TNKS: variants seen among roughly 807,000 people sequenced by gnomAD.
TNKS encodes poly [ADP-ribose] polymerase tankyrase-1.
TNKS carries 72 observed loss-of-function variants against 135.8 expected under a neutral mutation model. The ratio of observed to expected loss-of-function variants is 0.53; its 90% CI spans 0.44 to 0.64. The LOEUF (loss-of-function observed/expected upper bound fraction) is 0.64, where lower values mean the gene tolerates loss of function less well. TNKS is among the 30% of genes least tolerant of loss of function. TNKS has a pLI of 0.00. For synonymous variants in TNKS, 849 were observed against 649.3 expected, an observed-to-expected ratio of 1.31 and a Z score of -4.68; for missense variants, 1,769 against 1,674.0, an observed-to-expected ratio of 1.06 and a Z score of -0.99.
At chr8:9,684,081 G>C (rs1213050085) in intron 5 of TNKS, among the ~76,000 whole-genome samples, 1 of 151,830 alleles carries the variant, frequency 6.6e-6, no homozygotes, top group Non-Finnish European at 1.5e-5. Flanking sequence ...TAGGGACATA[G>C]ATGTTATTTA....
chr8:9,619,963 T>A (rs1236828299), intron 3 of TNKS, among the ~76,000 whole-genome samples: 2 of 151,636 alleles, frequency 1.3e-5, no homozygotes, highest in Admixed American at 1.3e-4. Context: ...TTTATTTTTT[T>A]TTTTTGCGAC....
chr8:9,751,419 C>G (rs1036454149), intron 18 of TNKS, among the ~76,000 whole-genome samples, 190 bp from the exon 19 acceptor site: 3 of 152,048 alleles, frequency 2.0e-5, no homozygotes, highest in Non-Finnish European at 2.9e-5. Context: ...CATAGTTTCT[C>G]CAATTCTGTC....
In TNKS at chr8:9,781,523, A is replaced by G. The variant is rs949141703; in HGVS notation, c.*4787A>G. Reference sequence around the variant, plus strand: ...AGAAGATGACCTTGAGTATGTAAACATTGTCTCCGTGACACAAAACACTGA... The same window carrying G: ...AGAAGATGACCTTGAGTATGTAAACGTTGTCTCCGTGACACAAAACACTGA... On this transcript the variant is annotated 3_prime_UTR_variant, in exon 27 of 27. Coordinates refer to ENST00000310430, the MANE Select transcript of TNKS (RefSeq NM_003747.3). 6.6e-6 allele frequency: 1 copy of G among 152,270 alleles called. No individual in the cohort carries two copies. Among genetic ancestry groups the G allele is most frequent in the African/African-American group, 2.4e-5 (1 of 41,454 alleles). The allele number at this position is 152,270 out of a possible 1,614,324, so 9.4% of individuals were successfully genotyped here.
intron 1 of TNKS, among the ~76,000 whole-genome samples, chr8:9,570,588 C>T (rs968298652): frequency 1.1e-4 from 16 of 152,208 alleles, no homozygotes; most frequent in African/African-American, 3.9e-4. Context: ...GCAACCTCTA[C>T]CTGGCAACCT....
intron 2 of TNKS, among the ~76,000 whole-genome samples, chr8:9,580,694 A>G (rs1480540571): frequency 6.6e-6 from 1 of 152,184 alleles, no homozygotes; most frequent in Non-Finnish European, 1.5e-5. Flanking sequence ...CCTACCATCA[A>G]TGAGAGCCAT....
At chr8:9,729,066 C>T (rs991439706) in intron 13 of TNKS, among the ~76,000 whole-genome samples, 3 of 152,152 alleles carry the variant, frequency 2.0e-5, no homozygotes, top group Admixed American at 6.5e-5. Context: ...CGTCTCTCTG[C>T]CTTCAAGGTG....
intron 22 of TNKS, among the ~76,000 whole-genome samples, chr8:9,763,522 A>G (rs1807260323): frequency 6.6e-6 from 1 of 152,196 alleles, no homozygotes; most frequent in Non-Finnish European, 1.5e-5. Flanking sequence ...GCCTATTACA[A>G]CTATTTTCTT....
At chr8:9,658,701 A>G in intron 3 of TNKS, among the ~76,000 whole-genome samples, 1 of 152,256 alleles carries the variant, frequency 6.6e-6, no homozygotes, top group East Asian at 1.9e-4. Flanking sequence ...ACTAGCTAAC[A>G]TCATAATGAC....
At chr8:9,651,166 A>T (rs1024927325) in intron 3 of TNKS, among the ~76,000 whole-genome samples, 2 of 151,980 alleles carry the variant, frequency 1.3e-5, no homozygotes, top group African/African-American at 2.4e-5. Context: ...TTCTGTTCCA[A>T]CTAATTGTCT....
intron 17 of TNKS, among the ~76,000 whole-genome samples, chr8:9,746,308 A>G (rs1563205864): frequency 1.3e-5 from 2 of 152,190 alleles, no homozygotes; most frequent in African/African-American, 2.4e-5. Context: ...TAAAAAGCCT[A>G]TTTGTTGAAT....
chr8:9,698,682 G>A (rs1314152361), intron 5 of TNKS, among the ~76,000 whole-genome samples: 2 of 152,240 alleles, frequency 1.3e-5, no homozygotes, highest in Admixed American at 1.3e-4. Context: ...CTGGACTTAC[G>A]TTGAAGCCAC....
chr8:9,559,506 G>A (rs1001419665), intron 1 of TNKS, among the ~76,000 whole-genome samples: 1 of 152,150 alleles, frequency 6.6e-6, no homozygotes, highest in South Asian at 2.1e-4. Flanking sequence ...GGTAAATTGT[G>A]AATCTTGGGG....
chr8:9,704,590 T>A, intron 5 of TNKS, 73 bp from the exon 6 acceptor site: 1 of 1,274,700 alleles, frequency 7.8e-7, no homozygotes. Context: ...TGTGTTTAAA[T>A]CTGAAATGGC....
chr8:9,664,124 G>T (rs981279088), intron 3 of TNKS, among the ~76,000 whole-genome samples: 7 of 152,122 alleles, frequency 4.6e-5, no homozygotes, highest in African/African-American at 1.7e-4. Flanking sequence ...TCGAGGCTGG[G>T]TAATTTATAA....
intron 3 of TNKS, among the ~76,000 whole-genome samples, chr8:9,644,870 A>G (rs1377284017): frequency 6.6e-6 from 1 of 152,150 alleles, no homozygotes; most frequent in Non-Finnish European, 1.5e-5. Context: ...TTAGTACAGT[A>G]TTCAATAAAT....
chr8:9,556,912 G>C (rs1195865538), intron 1 of TNKS: 11 of 531,356 alleles, frequency 2.1e-5, no homozygotes, highest in Non-Finnish European at 3.6e-5. Flanking sequence ...TGGTGTGCAG[G>C]AATACAGTTA....
At chr8:9,557,040 GT>G in intron 1 of TNKS, 1 of 239,700 alleles carries the variant, frequency 4.2e-6, no homozygotes, top group Middle Eastern at 1.4e-3. Context: ...CCCAACACAT[GT>G]TTGAGGATCT....
At position 9,780,395 on chromosome 8, in the gene TNKS, G is replaced by A. The variant is rs1808407776; in HGVS notation, c.*3659G>A. The A allele has an allele frequency of 6.6e-6, 1 of 152,118 alleles. No individual in the cohort carries two copies. The highest frequency in any genetic ancestry group is 2.4e-5 in the African/African-American group (1 of 41,410). The allele number at this position is 152,118 out of a possible 1,614,324, so 9.4% of individuals were successfully genotyped here. A position where few individuals can be genotyped will look rare whatever the true frequency, so the allele number is the denominator to read the frequency against. ...AGCTATAGACCTTACTAATTTGGCAGGTATTCAAAACTGCCATTAAGATAG... is the reference window on the plus strand; with the variant it reads ...AGCTATAGACCTTACTAATTTGGCAAGTATTCAAAACTGCCATTAAGATAG... On this transcript the variant is annotated 3_prime_UTR_variant, in exon 27 of 27. Transcript: ENST00000310430.
At position 9,669,542 on chromosome 8, in the gene TNKS, C is replaced by A. The variant is rs1026935869; in HGVS notation, c.995-10409C>A. 4.6e-5 allele frequency among the ~76,000 whole-genome samples: 7 copies of A among 151,886 alleles called. No homozygotes were observed. In the South Asian group the frequency reaches 1.5e-3, roughly 32 times the overall value. On this transcript the variant is annotated intron_variant, in intron 3 of 26. Coordinates refer to ENST00000310430, the MANE Select transcript of TNKS (RefSeq NM_003747.3). ...TAGGTTAATGTGTAACTAGGGATATCATGTTACATATCTGTAAATGAGTGG... is the reference window on the plus strand; with the variant it reads ...TAGGTTAATGTGTAACTAGGGATATAATGTTACATATCTGTAAATGAGTGG...
Sources: allele counts gnomAD v4.1 joint callset (sites outside exome capture counted in the v4.1 genomes callset), GRCh38; gene constraint gnomAD v4.1.1; transcripts MANE v1.5; gene names NCBI Gene and HGNC (gene_info 2026-07-23, HGNC 2026-07-21).